Variants in ADAM32 observed in about 807,000 individuals in gnomAD.
ADAM32 encodes ADAM metallopeptidase domain 32.
ADAM32 carries 89 observed loss-of-function variants against 114.9 expected under a neutral mutation model. The ratio of observed to expected loss-of-function variants is 0.77; its 90% CI spans 0.65 to 0.92. ADAM32 has a LOEUF of 0.92. Among genes scored for constraint, ADAM32 ranks in the 40% least tolerant of loss-of-function variants. The pLI, the probability that ADAM32 is intolerant of heterozygous loss-of-function variation, is 0.00. For synonymous variants in ADAM32, 285 were observed against 307.5 expected, an observed-to-expected ratio of 0.93 and a Z score of 0.77; for missense variants, 870 against 932.8, an observed-to-expected ratio of 0.93 and a Z score of 0.88.
At chr8:39,119,686 A>C (rs1410862535) in intron 2 of ADAM32, among the ~76,000 whole-genome samples, 1 of 152,190 alleles carries the variant, frequency 6.6e-6, no homozygotes, top group African/African-American at 2.4e-5. Context: ...CTCAAACACA[A>C]ACATTTTCAA....
At chr8:39,199,041 T>C (rs950967135) in intron 11 of ADAM32, among the ~76,000 whole-genome samples, 1 of 152,214 alleles carries the variant, frequency 6.6e-6, no homozygotes, top group South Asian at 2.1e-4. Context: ...ACTTTCATTC[T>C]CTCCTGGCCT....
rs148728889 is a variant in ADAM32, at chr8:39,110,693, A to C, written c.58+2860A>C. Among the ~76,000 whole-genome samples the C allele has an allele frequency of 1.9e-3, 293 of 152,368 alleles. 1 individual carries two copies. The highest frequency in any genetic ancestry group is 1.5e-3 in the Non-Finnish European group (104 of 68,036). On this transcript the variant is annotated intron_variant, in intron 1 of 24. Transcript: ENST00000379907. ...GAGAACTTCTTTTATTAATGCTGTC[A>C]TATTATAAATTATATGCATAACTAC...
At position 39,151,398 on chromosome 8, in the gene ADAM32, T is replaced by C; in HGVS notation, c.375T>C (p.Asn125=). 6.3e-7 allele frequency: 1 copy of C among 1,589,088 alleles called. No individual in the cohort carries two copies. The highest frequency in any genetic ancestry group is 1.8e-5 in the Admixed American group (1 of 54,426). Residue 125 remains asparagine (N), a synonymous_variant, in exon 6 of 25, where the codon AAT becomes AAC. Coordinates refer to ENST00000379907, the MANE Select transcript of ADAM32 (RefSeq NM_145004.7). The stretch of plus-strand genomic sequence containing the variant: ...ACAGAGGAATACTGCAATTTGAAAA[T>C]GTTTCTTATGGAATTGAGCCTCTGG... The part of the protein sequence containing the change: ...SGLRGILQFE[N]VSYGIEPLES...
intron 11 of ADAM32, among the ~76,000 whole-genome samples, chr8:39,210,508 C>T (rs1423054932): frequency 6.6e-6 from 1 of 152,150 alleles, no homozygotes; most frequent in Non-Finnish European, 1.5e-5. Context: ...TACTCTGCCT[C>T]CTCTTCCACA....
chr8:39,254,142 A>T (rs1811477364), intron 17 of ADAM32, among the ~76,000 whole-genome samples: 1 of 151,610 alleles, frequency 6.6e-6, no homozygotes, highest in Admixed American at 6.6e-5. Flanking sequence ...TGCATTTTTG[A>T]AATTGCATCG....
intron 1 of ADAM32, among the ~76,000 whole-genome samples, chr8:39,109,229 G>A (rs765390445): frequency 6.6e-6 from 1 of 152,194 alleles, no homozygotes; most frequent in East Asian, 1.9e-4. Context: ...ATGTAAGAAT[G>A]TGTATTTCAT....
chr8:39,252,024 G>A (rs1811340429), intron 17 of ADAM32, among the ~76,000 whole-genome samples: 1 of 151,682 alleles, frequency 6.6e-6, no homozygotes, highest in Admixed American at 6.6e-5. Flanking sequence ...ATGAATTGGT[G>A]TAAATGCATG....
chr8:39,115,207 G>A (rs1253418235), intron 1 of ADAM32, among the ~76,000 whole-genome samples: 1 of 152,208 alleles, frequency 6.6e-6, no homozygotes, highest in Admixed American at 6.5e-5. Context: ...ATGGTAGAAT[G>A]ATTTATATTC....
chr8:39,219,874 CT>C (rs1347796126), intron 12 of ADAM32, among the ~76,000 whole-genome samples: 2 of 152,112 alleles, frequency 1.3e-5, no homozygotes, highest in Non-Finnish European at 2.9e-5. Flanking sequence ...TGTGGTTGAT[CT>C]TAGAGTATGT....
chr8:39,161,473 T>G (rs1226821153), intron 7 of ADAM32, among the ~76,000 whole-genome samples: 1 of 152,200 alleles, frequency 6.6e-6, no homozygotes, highest in Non-Finnish European at 1.5e-5. Context: ...TACCTCGAGA[T>G]TCCTAATTTC....
At chr8:39,228,649 A>G (rs188939156) in intron 14 of ADAM32, among the ~76,000 whole-genome samples, 1 of 152,296 alleles carries the variant, frequency 6.6e-6, no homozygotes, top group Admixed American at 6.5e-5. Context: ...AGAATAAGAA[A>G]ATATGAACAA....
intron 22 of ADAM32, among the ~76,000 whole-genome samples, chr8:39,279,970 C>T (rs1257876762): frequency 1.3e-5 from 2 of 152,228 alleles, no homozygotes; most frequent in East Asian, 1.9e-4. Flanking sequence ...TTCAGATTTG[C>T]GAGTAGTGGA....
At chr8:39,157,482 T>G (rs921526320) in intron 6 of ADAM32, 1 of 369,340 alleles carries the variant, frequency 2.7e-6, no homozygotes. Flanking sequence ...TCTTTTTTTT[T>G]CAGTGTCAGA....
intron 16 of ADAM32, among the ~76,000 whole-genome samples, chr8:39,239,293 G>T (rs7011419): frequency 0.085 from 12,928 of 152,142 alleles, 1,876 homozygotes; most frequent in African/African-American, 0.29. Flanking sequence ...ACAATTATCA[G>T]CTAGGAATTT....
intron 3 of ADAM32, among the ~76,000 whole-genome samples, chr8:39,146,886 C>T (rs985135978): frequency 6.6e-6 from 1 of 152,136 alleles, no homozygotes; most frequent in Non-Finnish European, 1.5e-5. Flanking sequence ...TCTAAAGATT[C>T]AGATAGTAAA....
chr8:39,239,490 G>T (rs1355435441), intron 16 of ADAM32, among the ~76,000 whole-genome samples: 1 of 151,956 alleles, frequency 6.6e-6, no homozygotes, highest in East Asian at 1.9e-4. Context: ...ATTTCACAGG[G>T]TCTCTAAAAA....
intron 1 of ADAM32, among the ~76,000 whole-genome samples, chr8:39,111,506 T>C (rs1294311129): frequency 6.6e-6 from 1 of 151,922 alleles, no homozygotes; most frequent in Non-Finnish European, 1.5e-5. Context: ...GAGGCCAAGG[T>C]GGGTGGATCA....
At chr8:39,252,777 G>A (rs1467062834) in intron 17 of ADAM32, among the ~76,000 whole-genome samples, 2 of 151,518 alleles carry the variant, frequency 1.3e-5, no homozygotes, top group Admixed American at 6.6e-5. Context: ...AGATACTGTG[G>A]TGTATATTTA....
At chr8:39,228,161 G>T (rs1440660336) in intron 14 of ADAM32, among the ~76,000 whole-genome samples, 2 of 152,178 alleles carry the variant, frequency 1.3e-5, no homozygotes, top group Admixed American at 1.3e-4. Flanking sequence ...CACCCCATGG[G>T]ACAAAAGAAT....
Sources: allele counts gnomAD v4.1 joint callset (sites outside exome capture counted in the v4.1 genomes callset), GRCh38; gene constraint gnomAD v4.1.1; transcripts MANE v1.5; gene names NCBI Gene and HGNC (gene_info 2026-07-23, HGNC 2026-07-21).